PLA2G5: variants seen among roughly 807,000 people sequenced by gnomAD.
The protein encoded by PLA2G5 is Ca2+-dependent phospholipase A2.
Under a neutral mutation model 15.9 loss-of-function variants are expected in PLA2G5, and 12 were observed. That is an observed-to-expected ratio of 0.76 (90% CI 0.48 to 1.23). PLA2G5 has a LOEUF of 1.23. Ranked by LOEUF, PLA2G5 falls within the 50% of genes most tolerant of loss-of-function variation. The probability of loss-of-function intolerance (pLI) is 0.00; values close to 1 mark genes in which losing one functional copy is unlikely to be tolerated. For missense variants in PLA2G5, 169 were observed against 177.1 expected, an observed-to-expected ratio of 0.95 and a Z score of 0.26; for synonymous variants, 71 against 71.4, an observed-to-expected ratio of 0.99 and a Z score of 0.03.
At chr1:20,068,273 A>C (rs181362193), upstream of PLA2G5, among the ~76,000 whole-genome samples, 2 of 152,236 alleles carry the variant, frequency 1.3e-5, no homozygotes, top group African/African-American at 4.8e-5. Context: ...ATAAACTCCA[A>C]ATGAATTAAA....
intron 1 of PLA2G5, among the ~76,000 whole-genome samples, chr1:20,072,864 CT>C (rs11573206): frequency 0.015 from 2,216 of 152,346 alleles, 46 homozygotes; most frequent in African/African-American, 0.051. Flanking sequence ...CCCACATCCC[CT>C]GTCTTAACAG....
rs2016547345 is a variant in PLA2G5, at chr1:20,091,095, A to C, written c.*403A>C. The C allele has an allele frequency of 6.0e-6, 1 of 165,784 alleles. No homozygotes were observed. Among genetic ancestry groups the C allele is most frequent in the Admixed American group, 5.9e-5 (1 of 16,810 alleles). The allele number at this position is 165,784 out of a possible 1,614,324, so 10.3% of individuals were successfully genotyped here. ...ACCACCCTCCAGAGAATTTTTACGC[A>C]AGAAGAGCCAAATTGACTCTCTAAA... On this transcript the variant is annotated 3_prime_UTR_variant, in exon 5 of 5. Transcript: ENST00000375108.
At chr1:20,074,343 T>G (rs968082269) in intron 1 of PLA2G5, among the ~76,000 whole-genome samples, 2 of 152,024 alleles carry the variant, frequency 1.3e-5, no homozygotes, top group African/African-American at 4.8e-5. Flanking sequence ...AGGGAGGGGG[T>G]CCTACAGGGC....
At chr1:20,043,246 G>A (rs1027168538) in intron 1 of PLA2G5, among the ~76,000 whole-genome samples, 1 of 152,176 alleles carries the variant, frequency 6.6e-6, no homozygotes, top group Admixed American at 6.5e-5. Context: ...CCACAGGGTG[G>A]ATAGGCAAAA....
upstream of PLA2G5, among the ~76,000 whole-genome samples, chr1:20,066,465 C>A (rs996511915): frequency 2.6e-5 from 4 of 152,174 alleles, no homozygotes; most frequent in Non-Finnish European, 4.4e-5. Context: ...ATGTTGGTAA[C>A]TTGGGATCAG....
At chr1:20,065,073 T>C (rs2014949808) in intron 2 of PLA2G5, among the ~76,000 whole-genome samples, 1 of 152,166 alleles carries the variant, frequency 6.6e-6, no homozygotes, top group Non-Finnish European at 1.5e-5. Context: ...ATGCACGCAA[T>C]AACTTCAGGA....
At chr1:20,086,635 C>A (rs527723368) in intron 3 of PLA2G5, among the ~76,000 whole-genome samples, 1 of 152,178 alleles carries the variant, frequency 6.6e-6, no homozygotes, top group Non-Finnish European at 1.5e-5. Flanking sequence ...CAATTCCTGT[C>A]ACTTAGGCCT....
At chr1:20,028,646 G>A (rs1046212619) in exon 1 of PLA2G5, 1 of 152,240 alleles carries the variant, frequency 6.6e-6, no homozygotes, top group Admixed American at 6.5e-5. Context: ...CGGTATCAAT[G>A]TGTTTCTGGA....
At chr1:20,087,585 G>A (rs1200374911) in intron 3 of PLA2G5, among the ~76,000 whole-genome samples, 2 of 152,000 alleles carry the variant, frequency 1.3e-5, no homozygotes, top group Non-Finnish European at 2.9e-5. Flanking sequence ...TATCAGTGGA[G>A]AGGGTCTAAA....
rs544916021 is a variant in PLA2G5, at chr1:20,091,831, A to C, written c.*1139A>C. Among the ~76,000 whole-genome samples, 29 of 152,368 alleles carry C rather than the reference A, an allele frequency of 1.9e-4. No individual in the cohort carries two copies. The highest frequency in any genetic ancestry group is 6.3e-4 in the African/African-American group (26 of 41,586). On this transcript the variant is annotated 3_prime_UTR_variant, in exon 5 of 5. Coordinates refer to ENST00000375108, the MANE Select transcript of PLA2G5 (RefSeq NM_000929.3). ...TTCCGACATACCCCAAAATAACTGC[A>C]TGATAAATAGGTCTATATTTAAAAA...
At chr1:20,090,529 T>C (rs753042212) in intron 4 of PLA2G5, 39 bp from the exon 5 acceptor site, 1 of 1,612,536 alleles carries the variant, frequency 6.2e-7, no homozygotes, top group South Asian at 1.1e-5. Context: ...TGGAGCATGC[T>C]CTTCCCACCC....
intron 1 of PLA2G5, among the ~76,000 whole-genome samples, chr1:20,043,749 ATT>A (rs1414875094): frequency 6.6e-6 from 1 of 152,150 alleles, no homozygotes; most frequent in Non-Finnish European, 1.5e-5. Context: ...GTTTTAAGGG[ATT>A]TTGAAGCTTG....
intron 1 of PLA2G5, among the ~76,000 whole-genome samples, chr1:20,058,212 T>TGA (rs1207016219): frequency 2.6e-5 from 4 of 152,360 alleles, no homozygotes; most frequent in Middle Eastern, 3.4e-3. Context: ...TGTTCATTAC[T>TGA]GAGAGAGGGT....
chr1:20,044,499 C>T (rs1342768672), intron 1 of PLA2G5, among the ~76,000 whole-genome samples: 2 of 152,138 alleles, frequency 1.3e-5, no homozygotes, highest in Non-Finnish European at 2.9e-5. Context: ...TGTAAAGCGT[C>T]TAAGGGTTGT....
rs775610294 is a variant in PLA2G5 at position 20,089,802 on chromosome 1, C to T, written c.199C>T (p.His67Tyr). ...TTGCACGGACAGGTGCTGTTGGGCGCATGACCACTGCTATGGGCGGCTGGA... is the reference window on the plus strand; with the variant it reads ...TTGCACGGACAGGTGCTGTTGGGCGTATGACCACTGCTATGGGCGGCTGGA... ...KDGTDWCCWA[H>Y]DHCYGRLEEK... is the part of the protein sequence containing the mutation. The change falls in exon 4 of 5, where the codon CAT becomes TAT. Residue 67 changes from histidine (H) to tyrosine (Y), a missense_variant. Coordinates refer to ENST00000375108, the MANE Select transcript of PLA2G5 (RefSeq NM_000929.3). The T allele has an allele frequency of 6.2e-7, 1 of 1,613,924 alleles. No individual in the cohort carries two copies. Among genetic ancestry groups the T allele is most frequent in the African/African-American group, 1.3e-5 (1 of 74,940 alleles).
Position 20,089,847 on chromosome 1 carries a change from C to G in PLA2G5, c.244C>G (p.Arg82Gly), listed in dbSNP as rs1326461590. The change falls in exon 4 of 5, where the codon CGC (arginine) becomes GGC (glycine). Residue 82 changes from arginine (R) to glycine (G), a missense_variant. Coordinates refer to ENST00000375108, the MANE Select transcript of PLA2G5 (RefSeq NM_000929.3). ...GRLEEKGCNI[R>G]TQSYKYRFAW... ...GCTGGAGGAGAAGGGCTGCAACATT[C>G]GCACACAGTCCTACAAATACAGATT... 1.2e-6 allele frequency: 2 copies of G among 1,613,974 alleles called. No individual in the cohort carries two copies. Among genetic ancestry groups the G allele is most frequent in the Non-Finnish European group, 1.7e-6 (2 of 1,179,984 alleles).
chr1:20,070,686 T>G (rs1450491382), intron 1 of PLA2G5, among the ~76,000 whole-genome samples: 1 of 152,148 alleles, frequency 6.6e-6, no homozygotes. Context: ...AGGCCACACC[T>G]CAAGGGAAGA....
chr1:20,057,146 T>C (rs1234424467), intron 1 of PLA2G5, among the ~76,000 whole-genome samples: 1 of 152,124 alleles, frequency 6.6e-6, no homozygotes, highest in East Asian at 1.9e-4. Flanking sequence ...TTTGCTGATA[T>C]TTTCAAAGAA....
intron 1 of PLA2G5, among the ~76,000 whole-genome samples, chr1:20,038,384 C>T (rs2013394441): frequency 6.6e-6 from 1 of 152,162 alleles, no homozygotes; most frequent in Non-Finnish European, 1.5e-5. Context: ...ACTAGCAGCC[C>T]TCCCCAAGGA....
Sources: gnomAD v4.1 joint callset for allele counts (sites outside exome capture counted in the v4.1 genomes callset) on GRCh38, gnomAD v4.1.1 for gene constraint, MANE v1.5 for transcripts, NCBI Gene and HGNC (gene_info 2026-07-23, HGNC 2026-07-21) for gene names.